ATRNL1: variants seen among roughly 807,000 people sequenced by gnomAD.
ATRNL1 encodes attractin like 1, also known as attractin-like protein 1.
In ATRNL1, 95 loss-of-function variants were observed where a neutral mutation model predicts 182.7. The observed-to-expected ratio is 0.52, with a 90% CI of 0.44 to 0.62. ATRNL1 has a LOEUF of 0.62. Among genes scored for constraint, ATRNL1 ranks in the 20% least tolerant of loss-of-function variants. The pLI is 0.00. For synonymous variants in ATRNL1, 576 were observed against 568.3 expected, an observed-to-expected ratio of 1.01 and a Z score of -0.19; for missense variants, 1,471 against 1,679.5, an observed-to-expected ratio of 0.88 and a Z score of 2.17.
intron 21 of ATRNL1, among the ~76,000 whole-genome samples, chr10:115,445,766 TATC>T (rs1376352444): frequency 1.3e-5 from 2 of 152,204 alleles, no homozygotes; most frequent in Admixed American, 6.6e-5. Context: ...AGCAGTCACT[TATC>T]ATTCTTTTTT....
intron 26 of ATRNL1, among the ~76,000 whole-genome samples, chr10:115,578,391 G>C (rs1466589818): frequency 1.3e-5 from 2 of 151,602 alleles, no homozygotes; most frequent in Non-Finnish European, 3.0e-5. Context: ...CTAGGCTTTT[G>C]TTGCTGTTAG....
intron 26 of ATRNL1, among the ~76,000 whole-genome samples, chr10:115,641,819 T>C (rs1296934854): frequency 6.6e-6 from 1 of 151,840 alleles, no homozygotes; most frequent in Non-Finnish European, 1.5e-5. Context: ...TAATTCATTA[T>C]TGTAGATAAT....
intron 21 of ATRNL1, among the ~76,000 whole-genome samples, chr10:115,442,944 T>A (rs1846768124): frequency 6.6e-6 from 1 of 152,126 alleles, no homozygotes; most frequent in South Asian, 2.1e-4. Context: ...AGTCTATTTA[T>A]CATGTATAGT....
At position 115,344,101 on chromosome 10, in the gene ATRNL1, T is replaced by C. The variant is rs374962350; in HGVS notation, c.3175+9682T>C. ...CATGAAGCCAGCACAACATTGGATC[T>C]TGCCTACAGCCTGCTGTATGCACTC... On this transcript the variant is annotated intron_variant, in intron 19 of 28. Transcript: ENST00000355044. Among the ~76,000 whole-genome samples the C allele has an allele frequency of 6.6e-3, 1,007 of 152,262 alleles. 11 individuals are homozygous for C. The highest frequency in any genetic ancestry group is 0.023 in the African/African-American group (952 of 41,562).
chr10:115,174,601 G>T (rs1309776404), intron 8 of ATRNL1, among the ~76,000 whole-genome samples: 3 of 151,896 alleles, frequency 2.0e-5, no homozygotes, highest in Non-Finnish European at 4.4e-5. Flanking sequence ...TGACCAGATA[G>T]TAAATATCTT....
chr10:115,187,829 G>A (rs1238498079), intron 8 of ATRNL1, among the ~76,000 whole-genome samples: 11 of 151,260 alleles, frequency 7.3e-5, no homozygotes, highest in Non-Finnish European at 7.4e-5. Flanking sequence ...CTACAGGTGC[G>A]CGCCAGCATG....
At chr10:115,623,395 A>G (rs1342490753) in intron 26 of ATRNL1, among the ~76,000 whole-genome samples, 1 of 151,406 alleles carries the variant, frequency 6.6e-6, no homozygotes, top group Non-Finnish European at 1.5e-5. Flanking sequence ...CTAATATGAC[A>G]AAGAGGTAAT....
intron 3 of ATRNL1, among the ~76,000 whole-genome samples, chr10:115,122,582 A>G (rs1430800923): frequency 2.6e-5 from 4 of 152,008 alleles, no homozygotes; most frequent in African/African-American, 9.7e-5. Flanking sequence ...ATAAAAGCTT[A>G]TTGGTCCCTT....
At chr10:115,928,896 C>G (rs1300224342) in intron 28 of ATRNL1, among the ~76,000 whole-genome samples, 2 of 151,840 alleles carry the variant, frequency 1.3e-5, no homozygotes, top group Admixed American at 6.6e-5. Context: ...AGAAACATGT[C>G]CTTTAAATTT....
chr10:115,156,452 G>A (rs1554882102), intron 5 of ATRNL1, among the ~76,000 whole-genome samples: 1 of 152,086 alleles, frequency 6.6e-6, no homozygotes, highest in African/African-American at 2.4e-5. Context: ...AAGTGGAAAT[G>A]TAAAGTAGTA....
At chr10:115,399,369 G>A (rs1844443324) in intron 20 of ATRNL1, among the ~76,000 whole-genome samples, 1 of 152,012 alleles carries the variant, frequency 6.6e-6, no homozygotes, top group African/African-American at 2.4e-5. Flanking sequence ...GGTCTGTTCA[G>A]GAATTCTGTT....
At chr10:115,643,826 A>G (rs1223324167) in intron 26 of ATRNL1, among the ~76,000 whole-genome samples, 2 of 152,158 alleles carry the variant, frequency 1.3e-5, no homozygotes, top group African/African-American at 4.8e-5. Flanking sequence ...TTAAAATACC[A>G]GATGAGAACA....
chr10:115,399,854 A>G (rs1228874110), intron 20 of ATRNL1, among the ~76,000 whole-genome samples: 1 of 152,030 alleles, frequency 6.6e-6, no homozygotes, highest in African/African-American at 2.4e-5. Context: ...CAACCTAGGC[A>G]ATGCCGTTTA....
At chr10:115,886,668 G>A (rs1463227799) in intron 28 of ATRNL1, among the ~76,000 whole-genome samples, 1 of 152,196 alleles carries the variant, frequency 6.6e-6, no homozygotes, top group Admixed American at 6.5e-5. Context: ...TAATCCTAAA[G>A]AGCCACTATG....
At chr10:115,854,128 T>A (rs1951121512) in intron 28 of ATRNL1, among the ~76,000 whole-genome samples, 1 of 152,200 alleles carries the variant, frequency 6.6e-6, no homozygotes, top group South Asian at 2.1e-4. Flanking sequence ...AATAAACTCA[T>A]ACTTACAAGT....
At chr10:115,686,916 G>A (rs1254012799) in intron 26 of ATRNL1, among the ~76,000 whole-genome samples, 3 of 151,890 alleles carry the variant, frequency 2.0e-5, no homozygotes, top group East Asian at 1.9e-4. Context: ...CATATTTAAC[G>A]TATATACTTG....
intron 8 of ATRNL1, among the ~76,000 whole-genome samples, chr10:115,203,592 T>C (rs889751928): frequency 8.6e-4 from 129 of 149,168 alleles, no homozygotes; most frequent in Middle Eastern, 3.4e-3. Context: ...TTTTTTTTTT[T>C]TTTTTGAGAT....
chr10:115,822,101 A>C (rs1555090581), intron 27 of ATRNL1, among the ~76,000 whole-genome samples: 1 of 152,228 alleles, frequency 6.6e-6, no homozygotes, highest in African/African-American at 2.4e-5. Flanking sequence ...AGTGCAATCA[A>C]ATAAGAACTC....
At chr10:115,111,722 G>A (rs1554868119) in intron 1 of ATRNL1, among the ~76,000 whole-genome samples, 1 of 152,146 alleles carries the variant, frequency 6.6e-6, no homozygotes, top group African/African-American at 2.4e-5. Flanking sequence ...TCAGTGTAAG[G>A]TTTGGAGGAG....
Sources: allele counts gnomAD v4.1 joint callset (sites outside exome capture counted in the v4.1 genomes callset), GRCh38; gene constraint gnomAD v4.1.1; transcripts MANE v1.5; gene names NCBI Gene and HGNC (gene_info 2026-07-23, HGNC 2026-07-21).